OCA2: variants seen among roughly 807,000 people sequenced by gnomAD.
OCA2 encodes the protein OCA2 melanosomal transmembrane protein.
In OCA2, 77 loss-of-function variants were observed where a neutral mutation model predicts 100.2. The observed-to-expected ratio is 0.77, with a 90% CI of 0.64 to 0.93. The LOEUF (loss-of-function observed/expected upper bound fraction) is 0.93, where lower values mean the gene tolerates loss of function less well. Ranked by LOEUF, OCA2 falls within the 40% of genes least tolerant of loss-of-function variation. The pLI is 0.00. For synonymous variants in OCA2, 432 were observed against 439.2 expected (o/e 0.98, Z 0.21); for missense variants, 1,062 against 1,089.1 (o/e 0.98, Z 0.35).
intron 23 of OCA2, among the ~76,000 whole-genome samples, chr15:27,763,632 T>C (rs112614131): frequency 2.2e-4 from 33 of 152,298 alleles, no homozygotes; most frequent in African/African-American, 7.7e-4. Context: ...TCCCTGGCTA[T>C]GGTAGGGCCC....
chr15:28,019,090 G>A (rs988786088), intron 6 of OCA2, among the ~76,000 whole-genome samples: 2 of 152,086 alleles, frequency 1.3e-5, no homozygotes, highest in African/African-American at 4.8e-5. Context: ...TAGGAGGGTG[G>A]GGAAACAGTG....
intron 19 of OCA2, among the ~76,000 whole-genome samples, chr15:27,914,441 A>T (rs2038586804): frequency 6.6e-6 from 1 of 152,184 alleles, no homozygotes; most frequent in Non-Finnish European, 1.5e-5. Context: ...CACAGACAAT[A>T]TGGTTTTATA....
intron 18 of OCA2, among the ~76,000 whole-genome samples, chr15:27,933,204 T>A (rs183512584): frequency 6.6e-6 from 1 of 152,200 alleles, no homozygotes; most frequent in Admixed American, 6.5e-5. Flanking sequence ...AAACATAAAG[T>A]CTAAAACTAT....
intron 8 of OCA2, 55 bp downstream of exon 8, chr15:28,016,049 T>C: frequency 7.0e-7 from 1 of 1,428,966 alleles, no homozygotes; most frequent in South Asian, 1.1e-5. Context: ...CAGACTCCTT[T>C]AAACGCACGT....
intron 2 of OCA2, among the ~76,000 whole-genome samples, chr15:28,066,078 A>G (rs1032740861): frequency 6.6e-6 from 1 of 152,216 alleles, no homozygotes; most frequent in Non-Finnish European, 1.5e-5. Context: ...TTTGCAGAAC[A>G]CAAGATCAAT....
At position 27,945,248 on chromosome 15, in the gene OCA2, G is replaced by A. The variant is rs543655842; in HGVS notation, c.1951+6536C>T. On this transcript the variant is annotated intron_variant, in intron 18 of 23. Coordinates refer to ENST00000354638, the MANE Select transcript of OCA2 (RefSeq NM_000275.3). ...AGGCCACATCTCACCACTTGTTCCC[G>A]TCCACCTGCTCAGAATTTCCTGTGC... 9.1e-4 allele frequency among the ~76,000 whole-genome samples: 139 copies of A among 152,184 alleles called. 2 individuals carry two copies. Among genetic ancestry groups the A allele is most frequent in the African/African-American group, 3.0e-3 (123 of 41,512 alleles).
Position 27,890,327 on chromosome 15 carries a change from G to A in OCA2, c.2080-18405C>T, listed in dbSNP as rs534027679. On this transcript the variant is annotated intron_variant, in intron 19 of 23. Transcript: ENST00000354638. ...CTGAAATTTTCCCAATTTGGCAAAA[G>A]ACACAAACCTACAAATTCAAGAAGA... is the stretch of plus-strand genomic sequence containing the variant. Among the ~76,000 whole-genome samples, 14 of 152,218 alleles carry A rather than the reference G, an allele frequency of 9.2e-5. No individual in the cohort carries two copies. In the South Asian group the frequency reaches 2.7e-3, roughly 29 times the overall value.
the OCA2 span, among the ~76,000 whole-genome samples, chr15:27,722,806 C>G: frequency 7.1e-6 from 1 of 140,312 alleles, no homozygotes; most frequent in Non-Finnish European, 1.5e-5. Flanking sequence ...CTCTCTTTCT[C>G]TCTCTCTTTC....
chr15:27,751,585 G>A (rs931493928), downstream of OCA2, among the ~76,000 whole-genome samples: 1 of 152,234 alleles, frequency 6.6e-6, no homozygotes, highest in Admixed American at 6.5e-5. Flanking sequence ...TCCCAAGGCT[G>A]CAAGGTTTGA....
At chr15:27,860,714 G>C (rs2036099421) in intron 21 of OCA2, among the ~76,000 whole-genome samples, 1 of 152,210 alleles carries the variant, frequency 6.6e-6, no homozygotes, top group South Asian at 2.1e-4. Context: ...TGGGCATCTA[G>C]GTTGATTCCA....
At chr15:27,799,876 G>A (rs560804170) in intron 23 of OCA2, among the ~76,000 whole-genome samples, 2 of 152,244 alleles carry the variant, frequency 1.3e-5, no homozygotes, top group African/African-American at 2.4e-5. Flanking sequence ...CACCAGTAGT[G>A]GGCTCAAAAA....
chr15:27,775,206 G>A (rs1015795406), intron 23 of OCA2, among the ~76,000 whole-genome samples: 17 of 152,094 alleles, frequency 1.1e-4, no homozygotes, highest in Admixed American at 2.6e-4. Flanking sequence ...CGCCCCCTAC[G>A]GGATATGCTG....
chr15:27,994,716 G>A (rs1485784456), intron 9 of OCA2, among the ~76,000 whole-genome samples: 1 of 152,240 alleles, frequency 6.6e-6, no homozygotes, highest in Admixed American at 6.5e-5. Flanking sequence ...TGCATGAACA[G>A]AGCCTGCAAA....
rs750011165 is a variant in OCA2 at position 27,983,449 on chromosome 15, C to T, written c.1399G>A (p.Val467Ile). 1.2e-6 allele frequency: 2 copies of T among 1,614,216 alleles called. No individual in the cohort carries two copies. The highest frequency in any genetic ancestry group is 3.3e-5 in the Admixed American group (2 of 60,020). ...GTGAAGATCACTTCTGCAATCAGGA[C>T]TTGTCTTGGATCAAGGTTGAGCACC... is the stretch of plus-strand genomic sequence containing the variant. ...CEVLNLDPRQ[V>I]LIAEVIFTNI... Residue 467 changes from valine (V) to isoleucine (I), a missense_variant, in exon 14 of 24, where the codon GTC (valine) becomes ATC (isoleucine). By Grantham distance (29) the Val-to-Ile change is conservative. Transcript: ENST00000354638.
At chr15:27,876,884 T>C (rs1444311820) in intron 19 of OCA2, among the ~76,000 whole-genome samples, 3 of 151,880 alleles carry the variant, frequency 2.0e-5, no homozygotes, top group African/African-American at 7.2e-5. Flanking sequence ...GTCTGTTTCC[T>C]ACTTTGTTGA....
At chr15:28,095,356 G>A (rs1237600948) in intron 1 of OCA2, among the ~76,000 whole-genome samples, 3 of 152,038 alleles carry the variant, frequency 2.0e-5, no homozygotes, top group African/African-American at 7.3e-5. Context: ...CCGGCAGCAG[G>A]CGCCGCACGC....
intron 23 of OCA2, among the ~76,000 whole-genome samples, chr15:27,761,893 C>CA (rs1218466122): frequency 6.6e-6 from 1 of 152,174 alleles, no homozygotes; most frequent in African/African-American, 2.4e-5. Flanking sequence ...GGCGTCATCA[C>CA]AGCTCCCTAC....
chr15:27,881,079 A>G (rs545739257), intron 19 of OCA2, among the ~76,000 whole-genome samples: 26 of 152,242 alleles, frequency 1.7e-4, no homozygotes, highest in African/African-American at 6.3e-4. Flanking sequence ...AAGGACGTTG[A>G]ATTTTATCAA....
At chr15:28,023,548 G>A (rs991365889) in intron 5 of OCA2, among the ~76,000 whole-genome samples, 1 of 150,730 alleles carries the variant, frequency 6.6e-6, no homozygotes, top group Non-Finnish European at 1.5e-5. Context: ...TGTCACCAGG[G>A]CAGGCTGCGT....
Sources: gnomAD v4.1 joint callset for allele counts (sites outside exome capture counted in the v4.1 genomes callset) on GRCh38, gnomAD v4.1.1 for gene constraint, MANE v1.5 for transcripts, NCBI Gene and HGNC (gene_info 2026-07-23, HGNC 2026-07-21) for gene names.